Variants in TGDS observed in about 807,000 individuals in gnomAD.
TGDS encodes the protein UDP-D-glucose 4,6-dehydratase.
In TGDS, 47 loss-of-function variants were observed where a neutral mutation model predicts 52.3. The observed-to-expected ratio is 0.90, with a 90% CI of 0.71 to 1.15. TGDS has a LOEUF of 1.15. Ranked by LOEUF, TGDS falls within the 50% of genes most tolerant of loss-of-function variation. TGDS has a pLI of 0.00. For missense variants in TGDS, 375 were observed against 418.4 expected, an observed-to-expected ratio of 0.90 and a Z score of 0.90; for synonymous variants, 115 against 136.9, an observed-to-expected ratio of 0.84 and a Z score of 1.12.
Position 94,583,248 on chromosome 13 carries a change from G to T in TGDS, c.314-12C>A, listed in dbSNP as rs751009049. 4 of 1,609,434 alleles carry T rather than the reference G, an allele frequency of 2.5e-6. No individual in the cohort carries two copies. Among genetic ancestry groups the T allele is most frequent in the Non-Finnish European group, 3.4e-6 (4 of 1,178,690 alleles). On this transcript the variant is annotated splice_polypyrimidine_tract_variant and intron_variant, in intron 4 of 11. Coordinates refer to ENST00000261296, the MANE Select transcript of TGDS (RefSeq NM_014305.4). The stretch of plus-strand genomic sequence containing the variant: ...TACGAATGAAAGATCTAAAAGAAAA[G>T]AGTGAAAAGCTAAAACAAGTCTACC...
chr13:94,592,405 G>C, intron 2 of TGDS, 96 bp from the exon 3 acceptor site: 2 of 923,208 alleles, frequency 2.2e-6, no homozygotes, highest in Non-Finnish European at 3.2e-6. Context: ...GATGTTACTG[G>C]TTACAATACA....
At chr13:94,591,555 T>C (rs1355934314) in intron 3 of TGDS, among the ~76,000 whole-genome samples, 2 of 152,204 alleles carry the variant, frequency 1.3e-5, no homozygotes, top group African/African-American at 2.4e-5. Flanking sequence ...ATCACGCCAC[T>C]GCACTCCAGC....
intron 4 of TGDS, among the ~76,000 whole-genome samples, chr13:94,587,783 GTC>G: frequency 6.7e-6 from 1 of 149,428 alleles, no homozygotes; most frequent in Middle Eastern, 3.6e-3. Context: ...GGATCACGAG[GTC>G]AGGAGATCGA....
At chr13:94,596,179 G>C, upstream of TGDS, 1 of 1,589,688 alleles carries the variant, frequency 6.3e-7, no homozygotes, top group South Asian at 1.1e-5. Flanking sequence ...AGTATGGTCT[G>C]AAAAGCGCAG....
At chr13:94,589,933 T>G (rs1157925868) in intron 4 of TGDS, among the ~76,000 whole-genome samples, 1 of 152,104 alleles carries the variant, frequency 6.6e-6, no homozygotes, top group Non-Finnish European at 1.5e-5. Context: ...AATGTATACT[T>G]ATGTATCATG....
intron 6 of TGDS, 109 bp from the exon 7 acceptor site, chr13:94,580,062 C>G (rs1399689729): frequency 3.4e-5 from 23 of 672,948 alleles, no homozygotes; most frequent in Non-Finnish European, 5.8e-5. Context: ...AATAATTCCA[C>G]ACACCTTAAG....
At chr13:94,575,453 C>T (rs995309053) in intron 11 of TGDS, among the ~76,000 whole-genome samples, 4 of 151,872 alleles carry the variant, frequency 2.6e-5, no homozygotes, top group African/African-American at 4.8e-5. Flanking sequence ...CCATGCCCCG[C>T]TGATTTTTTT....
At chr13:94,593,128 T>C (rs1345661600) in intron 2 of TGDS, among the ~76,000 whole-genome samples, 1 of 151,980 alleles carries the variant, frequency 6.6e-6, no homozygotes, top group Non-Finnish European at 1.5e-5. Context: ...CACTCCAGCC[T>C]GGCAACAGAG....
chr13:94,581,124 T>G lies in TGDS; in HGVS notation c.522A>C (p.Glu174Asp). 1 of 1,594,992 alleles carries G rather than the reference T, an allele frequency of 6.3e-7. No homozygotes were observed. Among genetic ancestry groups the G allele is most frequent in the South Asian group, 1.2e-5 (1 of 85,312 alleles). The change falls in exon 6 of 12, where the codon GAA becomes GAC. Residue 174 changes from glutamate (E) to aspartate (D), a missense_variant. Glu to Asp is a conservative substitution (Grantham distance 45). Transcript: ENST00000261296. ...NPYASSKAAA[E>D]CFVQSYWEQY... ...GTTCCCAGTAAGACTGTACAAAACATTCAGCAGCTGCTTTAGATGATGCAT... is the reference window on the plus strand; with the variant it reads ...GTTCCCAGTAAGACTGTACAAAACAGTCAGCAGCTGCTTTAGATGATGCAT...
intron 1 of TGDS, 44 bp downstream of exon 1, chr13:94,596,007 G>T: frequency 6.2e-7 from 1 of 1,609,452 alleles, no homozygotes; most frequent in Non-Finnish European, 8.5e-7. Context: ...AAAAGGTAGG[G>T]GTTTCTGGGG....
chr13:94,595,716 G>A (rs1022555300), intron 1 of TGDS, among the ~76,000 whole-genome samples: 1 of 152,144 alleles, frequency 6.6e-6, no homozygotes, highest in African/African-American at 2.4e-5. Flanking sequence ...ATCGTGGGGT[G>A]TGGGTGCTCT....
chr13:94,591,912 G>T (rs1166354655), intron 3 of TGDS, among the ~76,000 whole-genome samples: 1 of 152,110 alleles, frequency 6.6e-6, no homozygotes, highest in Non-Finnish European at 1.5e-5. Context: ...TTATACTTTG[G>T]ACTTGTCTAA....
At chr13:94,593,320 T>C (rs2139546780) in intron 2 of TGDS, among the ~76,000 whole-genome samples, 1 of 152,310 alleles carries the variant, frequency 6.6e-6, no homozygotes, top group African/African-American at 2.4e-5. Context: ...ATATTGGTGA[T>C]ACAGAAAAAA....
intron 4 of TGDS, among the ~76,000 whole-genome samples, chr13:94,587,478 C>A (rs1361695531): frequency 6.6e-6 from 1 of 151,934 alleles, no homozygotes; most frequent in East Asian, 1.9e-4. Context: ...CAGACAAAGA[C>A]CAACAGAATT....
At chr13:94,582,968 CT>C (rs1194146999) in intron 5 of TGDS, 125 bp downstream of exon 5, 1 of 976,462 alleles carries the variant, frequency 1.0e-6, no homozygotes, top group African/African-American at 1.6e-5. Flanking sequence ...CTAGAGAACC[CT>C]AATACACTCT....
intron 3 of TGDS, among the ~76,000 whole-genome samples, chr13:94,591,948 C>G (rs1594457272): frequency 1.3e-5 from 2 of 152,182 alleles, no homozygotes; most frequent in Non-Finnish European, 2.9e-5. Context: ...AGTCAATCAA[C>G]CTTCATAGGG....
intron 4 of TGDS, 150 bp downstream of exon 4, chr13:94,590,703 C>G: frequency 1.8e-6 from 1 of 562,784 alleles, no homozygotes; most frequent in Non-Finnish European, 3.0e-6. Flanking sequence ...ATAAAAGTAT[C>G]TAAAAAGTGC....
chr13:94,582,260 CA>C (rs1888825045), intron 5 of TGDS, among the ~76,000 whole-genome samples: 1 of 151,872 alleles, frequency 6.6e-6, no homozygotes, highest in East Asian at 1.9e-4. Flanking sequence ...CTTGAAATTC[CA>C]ATATGTTTTC....
chr13:94,594,730 TG>T (rs1266914763), intron 1 of TGDS, among the ~76,000 whole-genome samples: 2 of 152,130 alleles, frequency 1.3e-5, no homozygotes, highest in African/African-American at 4.8e-5. Flanking sequence ...TCTCATTAAG[TG>T]AAACTTGCCA....
Sources: allele counts gnomAD v4.1 joint callset (sites outside exome capture counted in the v4.1 genomes callset), GRCh38; gene constraint gnomAD v4.1.1; transcripts MANE v1.5; gene names NCBI Gene and HGNC (gene_info 2026-07-23, HGNC 2026-07-21).